The following ICE2 variants were observed in gnomAD, a reference collection of about 807,000 sequenced individuals.
ICE2 encodes the protein little elongation complex subunit 2.
Under a neutral mutation model 105.4 loss-of-function variants are expected in ICE2, and 87 were observed. The observed-to-expected ratio is 0.83, with a 90% CI of 0.69 to 0.99. The LOEUF (loss-of-function observed/expected upper bound fraction) is 0.99, where lower values mean the gene tolerates loss of function less well. Ranked by LOEUF, ICE2 falls within the 50% of genes least tolerant of loss-of-function variation. ICE2 has a pLI of 0.00. For synonymous variants in ICE2, 399 were observed against 392.0 expected (o/e 1.02, Z -0.21); for missense variants, 1,323 against 1,146.7 (o/e 1.15, Z -2.22).
chr15:60,439,018 A>G (rs768672812), intron 12 of ICE2: 5 of 152,232 alleles, frequency 3.3e-5, no homozygotes, highest in Admixed American at 1.3e-4. Context: ...TCATTCATAT[A>G]TATATGCACA....
At position 60,479,077 on chromosome 15, in the gene ICE2, C is replaced by T. The variant is rs964848130; in HGVS notation, c.-167G>A. 5 of 449,328 alleles carry T rather than the reference C, an allele frequency of 1.1e-5. No homozygotes were observed. Among genetic ancestry groups the T allele is most frequent in the Non-Finnish European group, 2.2e-5 (5 of 223,042 alleles). 27.8% of individuals were successfully genotyped at this position (449,328 alleles called of 1,614,324 possible). On this transcript the variant is annotated 5_prime_UTR_variant, in exon 1 of 16. Transcript: ENST00000261520. Reference sequence around the variant, plus strand: ...CGCTCCACCCCACTCCTCACATTGTCGCGCGCGCCCAAAAAAGACCATATT... The same window carrying T: ...CGCTCCACCCCACTCCTCACATTGTTGCGCGCGCCCAAAAAAGACCATATT...
chr15:60,426,667 A>AT (rs995955503), intron 15 of ICE2, among the ~76,000 whole-genome samples: 5 of 152,154 alleles, frequency 3.3e-5, no homozygotes, highest in African/African-American at 4.8e-5. Flanking sequence ...TATATTACTC[A>AT]TTTTTTTAGA....
At chr15:60,460,113 C>T (rs946627740) in intron 5 of ICE2, among the ~76,000 whole-genome samples, 2 of 152,110 alleles carry the variant, frequency 1.3e-5, no homozygotes, top group Non-Finnish European at 2.9e-5. Flanking sequence ...AACCCATGAT[C>T]TCAGGACTAC....
At chr15:60,477,858 C>T (rs533408897) in intron 2 of ICE2, 79 bp downstream of exon 2, 1 of 1,250,958 alleles carries the variant, frequency 8.0e-7, no homozygotes, top group East Asian at 2.3e-5. Context: ...TCTCTCTATG[C>T]CAGAAATCTA....
intron 5 of ICE2, among the ~76,000 whole-genome samples, chr15:60,457,293 A>T (rs1179244170): frequency 6.6e-6 from 1 of 152,300 alleles, no homozygotes. Flanking sequence ...TGTTTTCAAA[A>T]TATTAATGAC....
intron 15 of ICE2, among the ~76,000 whole-genome samples, chr15:60,425,085 A>G (rs2063312154): frequency 6.6e-6 from 1 of 152,190 alleles, no homozygotes; most frequent in South Asian, 2.1e-4. Flanking sequence ...CCCAACAGAA[A>G]TACTATTGGC....
intron 12 of ICE2, 103 bp from the exon 13 acceptor site, chr15:60,436,330 CTG>C (rs2063586476): frequency 2.2e-6 from 1 of 448,524 alleles, no homozygotes; most frequent in Non-Finnish European, 4.0e-6. Flanking sequence ...ATTTTAATAA[CTG>C]TGAAGAAATT....
At chr15:60,444,357 G>A (rs1480323702) in intron 11 of ICE2, among the ~76,000 whole-genome samples, 1 of 151,960 alleles carries the variant, frequency 6.6e-6, no homozygotes, top group South Asian at 2.1e-4. Context: ...GTATTCTACT[G>A]CCATCTCCAG....
At chr15:60,433,180 C>T (rs992971151) in intron 13 of ICE2, among the ~76,000 whole-genome samples, 7 of 151,498 alleles carry the variant, frequency 4.6e-5, no homozygotes, top group East Asian at 2.0e-4. Flanking sequence ...CTCTGCCTCC[C>T]GGGTTCACGC....
chr15:60,457,793 T>C (rs2064168682), intron 5 of ICE2, among the ~76,000 whole-genome samples: 1 of 152,214 alleles, frequency 6.6e-6, no homozygotes, highest in Non-Finnish European at 1.5e-5. Flanking sequence ...AGATGTGGAC[T>C]AATATGGAAA....
rs757572782 is a variant in ICE2, at chr15:60,455,386, C to G, written c.723G>C (p.Leu241=). ...VFPSMPIKLQ[L]SKDDIATIET... ...CAATGGTAGCTATATCGTCCTTTGA[C>G]AGCTGCAACTTTATAGGCATTGAGG... Residue 241 remains leucine (L), a synonymous_variant, in exon 7 of 16, where the codon CTG becomes CTC. Transcript: ENST00000261520. The G allele has an allele frequency of 6.2e-7, 1 of 1,613,954 alleles. No homozygotes were observed.
intron 11 of ICE2, among the ~76,000 whole-genome samples, chr15:60,446,456 T>G (rs375133303): frequency 1.3e-5 from 2 of 152,220 alleles, no homozygotes; most frequent in South Asian, 4.2e-4. Flanking sequence ...AGTGCAGTGG[T>G]GCGATCTCGG....
intron 5 of ICE2, among the ~76,000 whole-genome samples, chr15:60,459,941 G>A (rs963624224): frequency 3.9e-5 from 6 of 151,920 alleles, no homozygotes; most frequent in Admixed American, 6.6e-5. Context: ...AATATATACC[G>A]TCATCATAAT....
chr15:60,473,452 C>T (rs374005585), intron 3 of ICE2, among the ~76,000 whole-genome samples: 51 of 152,194 alleles, frequency 3.4e-4, no homozygotes, highest in African/African-American at 1.2e-3. Context: ...AACCACCACA[C>T]CTGGCTATTT....
At chr15:60,461,277 C>T (rs2064269721) in intron 5 of ICE2, among the ~76,000 whole-genome samples, 1 of 152,018 alleles carries the variant, frequency 6.6e-6, no homozygotes, top group Non-Finnish European at 1.5e-5. Context: ...TTTAAAAATA[C>T]ATCACAAACT....
intron 5 of ICE2, among the ~76,000 whole-genome samples, chr15:60,463,017 A>C (rs962793983): frequency 6.6e-6 from 1 of 152,214 alleles, no homozygotes; most frequent in African/African-American, 2.4e-5. Context: ...GCATTCAATA[A>C]ATTACAAGAC....
chr15:60,442,668 T>C (rs2063743751), intron 11 of ICE2, 123 bp from the exon 12 acceptor site: 1 of 710,624 alleles, frequency 1.4e-6, no homozygotes, highest in Admixed American at 3.2e-5. Context: ...ATCCTTTCAA[T>C]TACAGCAGGA....
In ICE2 at chr15:60,478,035, C is replaced by T. The variant is rs2064815347; in HGVS notation, c.-58G>A. The T allele has an allele frequency of 1.3e-6, 2 of 1,504,650 alleles. No individual in the cohort carries two copies. Among genetic ancestry groups the T allele is most frequent in the Non-Finnish European group, 9.3e-7 (1 of 1,080,844 alleles). The allele number at this position is 1,504,650 out of a possible 1,614,324, so 93.2% of individuals were successfully genotyped here. A position where few individuals can be genotyped will look rare whatever the true frequency, so the allele number is the denominator to read the frequency against. ...GTTCACAGCTGCCTGGCTGCGAAGG[C>T]TCCAAGAGGCAGGATCCCTCCAGAA... On this transcript the variant is annotated 5_prime_UTR_variant, in exon 2 of 16. Coordinates refer to ENST00000261520, the MANE Select transcript of ICE2 (RefSeq NM_024611.6).
chr15:60,466,053 G>A (rs1487670832), intron 5 of ICE2, among the ~76,000 whole-genome samples: 1 of 152,034 alleles, frequency 6.6e-6, no homozygotes, highest in African/African-American at 2.4e-5. Flanking sequence ...CGCCTGGCCT[G>A]TTTAAGTAGT....
Sources: gnomAD v4.1 joint callset for allele counts (sites outside exome capture counted in the v4.1 genomes callset) on GRCh38, gnomAD v4.1.1 for gene constraint, MANE v1.5 for transcripts, NCBI Gene and HGNC (gene_info 2026-07-23, HGNC 2026-07-21) for gene names.